PRKAB1: variants seen among roughly 807,000 people sequenced by gnomAD.
The protein encoded by PRKAB1 is 5'-AMP-activated protein kinase subunit beta-1.
In PRKAB1, 18 loss-of-function variants were observed where a neutral mutation model predicts 32.0. That is an observed-to-expected ratio of 0.56 (90% confidence interval 0.39 to 0.83). The LOEUF (loss-of-function observed/expected upper bound fraction) is 0.83, where lower values mean the gene tolerates loss of function less well. Among genes scored for constraint, PRKAB1 ranks in the 40% least tolerant of loss-of-function variants. The pLI, the probability that PRKAB1 is intolerant of heterozygous loss-of-function variation, is 0.00. For synonymous variants in PRKAB1, 141 were observed against 141.4 expected (o/e 1.00, Z 0.02); for missense variants, 263 against 352.6 (o/e 0.75, Z 2.03).
At chr12:119,676,844 T>G (rs1165273526) in intron 5 of PRKAB1, among the ~76,000 whole-genome samples, 174 bp downstream of exon 5, 2 of 152,224 alleles carry the variant, frequency 1.3e-5, no homozygotes, top group Non-Finnish European at 2.9e-5. Flanking sequence ...AGGTTCCCAG[T>G]GTGGACACCG....
At position 119,679,383 on chromosome 12, in the gene PRKAB1, G is replaced by A. The variant is rs1019685250; in HGVS notation, c.667-550G>A. The A allele has an allele frequency of 6.3e-6, 1 of 158,288 alleles. No homozygotes were observed. Among genetic ancestry groups the A allele is most frequent in the Non-Finnish European group, 1.4e-5 (1 of 71,676 alleles). 9.8% of individuals were successfully genotyped at this position (158,288 alleles called of 1,614,324 possible). A position where few individuals can be genotyped will look rare whatever the true frequency, so the allele number is the denominator to read the frequency against. ...TGAATTGCATTTATAACAGTTGGGG[G>A]TATACAATGAAAAAATAAATCCCGA... On this transcript the variant is annotated intron_variant, in intron 5 of 6. Coordinates refer to ENST00000229328, the MANE Select transcript of PRKAB1 (RefSeq NM_006253.5). This position sits in a 1 kb window ranked among gnomAD's most constrained non-coding sequence, Gnocchi z 4.1.
At chr12:119,677,762 T>TG (rs1491500119) in intron 5 of PRKAB1, 1 of 8,056 alleles carries the variant, frequency 1.2e-4, no homozygotes, top group Non-Finnish European at 3.3e-4. Context: ...GTGAGGTTTG[T>TG]TTTTTTTTTT....
chr12:119,680,447 T>C lies in PRKAB1; in HGVS notation c.*122T>C, dbSNP rs1593333823. On this transcript the variant is annotated 3_prime_UTR_variant, in exon 7 of 7. Transcript: ENST00000229328. ...TTCACACTCTTCAGAAGACATTTCA[T>C]ACCTGCCCTGGTCCTGCTTGAAGGT... 2 of 1,011,958 alleles carry C rather than the reference T, an allele frequency of 2.0e-6. No individual in the cohort carries two copies. Among genetic ancestry groups the C allele is most frequent in the East Asian group, 5.2e-5 (2 of 38,264 alleles). 62.7% of individuals were successfully genotyped at this position (1,011,958 alleles called of 1,614,324 possible). A position where few individuals can be genotyped will look rare whatever the true frequency, so the allele number is the denominator to read the frequency against.
chr12:119,674,132 C>G lies in PRKAB1; in HGVS notation c.417+75C>G. 1 of 1,407,650 alleles carries G rather than the reference C, an allele frequency of 7.1e-7. No individual in the cohort carries two copies. Among genetic ancestry groups the G allele is most frequent in the Non-Finnish European group, 9.9e-7 (1 of 1,007,370 alleles). 87.2% of individuals were successfully genotyped at this position (1,407,650 alleles called of 1,614,324 possible). A position where few individuals can be genotyped will look rare whatever the true frequency, so the allele number is the denominator to read the frequency against. ...AAATCACCTTCCCAAGAGATTGCCG[C>G]TAGGTCCCTTTGCCCAGCTAGTAAA... On this transcript the variant is annotated intron_variant, in intron 3 of 6. Coordinates refer to ENST00000229328, the MANE Select transcript of PRKAB1 (RefSeq NM_006253.5). This position sits in a 1 kb window ranked among gnomAD's most constrained non-coding sequence, Gnocchi z 4.3.
Position 119,668,222 on chromosome 12 carries a change from C to T in PRKAB1, c.-23C>T, listed in dbSNP as rs983592604. On this transcript the variant is annotated 5_prime_UTR_variant, in exon 1 of 7. Coordinates refer to ENST00000229328, the MANE Select transcript of PRKAB1 (RefSeq NM_006253.5). ...TGCAGTGAGGCGCCGTCCGCCTTCC[C>T]TGTGTCCCCGCAGACCCCCATCATG... The T allele has an allele frequency of 1.4e-5, 22 of 1,552,492 alleles. No individual in the cohort carries two copies. Among genetic ancestry groups the T allele is most frequent in the Non-Finnish European group, 1.5e-5 (17 of 1,156,094 alleles).
Position 119,679,006 on chromosome 12 carries a change from C to T in PRKAB1, c.667-927C>T, listed in dbSNP as rs1955446345. On this transcript the variant is annotated intron_variant, in intron 5 of 6. Coordinates refer to ENST00000229328, the MANE Select transcript of PRKAB1 (RefSeq NM_006253.5). The surrounding 1 kb of genome is among the most constrained non-coding windows in gnomAD (Gnocchi z 4.1). ...AAAAGTAGCTTTTAAGTGTTCTCACCACAAAAACATGGTAAGCATGTTCTG... is the reference window on the plus strand; with the variant it reads ...AAAAGTAGCTTTTAAGTGTTCTCACTACAAAAACATGGTAAGCATGTTCTG... 1 of 152,172 alleles carries T rather than the reference C, an allele frequency of 6.6e-6. No individual in the cohort carries two copies. Among genetic ancestry groups the T allele is most frequent in the Admixed American group, 6.5e-5 (1 of 15,276 alleles). 9.4% of individuals were successfully genotyped at this position (152,172 alleles called of 1,614,324 possible). A position where few individuals can be genotyped will look rare whatever the true frequency, so the allele number is the denominator to read the frequency against.
Position 119,681,551 on chromosome 12 carries a change from G to C in PRKAB1, c.*1226G>C, listed in dbSNP as rs1199186061. 6.6e-6 allele frequency: 1 copy of C among 152,106 alleles called. No individual in the cohort carries two copies. Among genetic ancestry groups the C allele is most frequent in the Admixed American group, 6.5e-5 (1 of 15,276 alleles). 9.4% of individuals were successfully genotyped at this position (152,106 alleles called of 1,614,324 possible). On this transcript the variant is annotated 3_prime_UTR_variant, in exon 7 of 7. Coordinates refer to ENST00000229328, the MANE Select transcript of PRKAB1 (RefSeq NM_006253.5). ...CCTGAGTTTGGGGGTACCCTTTTTT[G>C]TGACTTTTCAAAACAGTGAATTACT...
chr12:119,680,393 C>A lies in PRKAB1; in HGVS notation c.*68C>A. The A allele has an allele frequency of 6.9e-7, 1 of 1,442,224 alleles. No individual in the cohort carries two copies. 89.3% of individuals were successfully genotyped at this position (1,442,224 alleles called of 1,614,324 possible). ...AGGCTCCACACGTGCATGCTTTCCC[C>A]AAGAGGGAATGGACTGTACATTGCT... On this transcript the variant is annotated 3_prime_UTR_variant, in exon 7 of 7. Transcript: ENST00000229328.
rs575683175 is a variant in PRKAB1, at chr12:119,680,610, C to T, written c.*285C>T. 4.6e-5 allele frequency: 21 copies of T among 460,590 alleles called. No individual in the cohort carries two copies. Among genetic ancestry groups the T allele is most frequent in the Non-Finnish European group, 6.7e-5 (17 of 254,542 alleles). 28.5% of individuals were successfully genotyped at this position (460,590 alleles called of 1,614,324 possible). ...CAGAGGATCTGCAGCCCTGGCCCCG[C>T]GGTGCATGAGGCTGGGTGCAGTTCT... is the stretch of plus-strand genomic sequence containing the variant. On this transcript the variant is annotated 3_prime_UTR_variant, in exon 7 of 7. Transcript: ENST00000229328.
chr12:119,676,780 C>A, intron 5 of PRKAB1, 110 bp downstream of exon 5: 1 of 1,391,794 alleles, frequency 7.2e-7, no homozygotes, highest in East Asian at 2.4e-5. Context: ...CAGTGTCACC[C>A]CCTAGTGTGA....
At position 119,680,669 on chromosome 12, in the gene PRKAB1, A is replaced by C; in HGVS notation, c.*344A>C. The C allele has an allele frequency of 8.0e-6, 2 of 250,602 alleles. No individual in the cohort carries two copies. The highest frequency in any genetic ancestry group is 7.8e-6 in the Non-Finnish European group (1 of 128,518). 15.5% of individuals were successfully genotyped at this position (250,602 alleles called of 1,614,324 possible). A position where few individuals can be genotyped will look rare whatever the true frequency, so the allele number is the denominator to read the frequency against. On this transcript the variant is annotated 3_prime_UTR_variant, in exon 7 of 7. Coordinates refer to ENST00000229328, the MANE Select transcript of PRKAB1 (RefSeq NM_006253.5). ...ATTCTCGATTTTTCTTAAGCCAAAA[A>C]TGAATGCTAACTCCTTTGCCAGTAA...
At chr12:119,676,069 G>A (rs189031731) in intron 4 of PRKAB1, among the ~76,000 whole-genome samples, 6 of 152,320 alleles carry the variant, frequency 3.9e-5, no homozygotes, top group Admixed American at 3.3e-4. Flanking sequence ...CGTTTAGCCT[G>A]TTTTCTCCAC....
At chr12:119,678,993 T>C (rs1955446310) in intron 5 of PRKAB1, 1 of 152,250 alleles carries the variant, frequency 6.6e-6, no homozygotes, top group African/African-American at 2.4e-5. Context: ...AAGTAGCTTT[T>C]AAGTGTTCTC....
intron 2 of PRKAB1, 105 bp downstream of exon 2, chr12:119,672,569 G>A (rs1297946433): frequency 2.1e-5 from 27 of 1,257,110 alleles, no homozygotes; most frequent in Non-Finnish European, 2.7e-5. Flanking sequence ...TAAAATGGAT[G>A]CCTAGTGGAA....
chr12:119,680,234 AC>A lies in PRKAB1; in HGVS notation c.736-12del. The A allele has an allele frequency of 6.2e-7, 1 of 1,612,436 alleles. No homozygotes were observed. Among genetic ancestry groups the A allele is most frequent in the East Asian group, 2.2e-5 (1 of 44,858 alleles). ...CTTAGTCCAGCCTTTGATCATTTCC[AC>A]CTTGTTCCTTAGGATGGAGTGATGG... On this transcript the variant is annotated splice_polypyrimidine_tract_variant and intron_variant, in intron 6 of 6. Transcript: ENST00000229328.
rs576324919 is a variant in PRKAB1 at position 119,680,505 on chromosome 12, G to A, written c.*180G>A. 3 of 643,100 alleles carry A rather than the reference G, an allele frequency of 4.7e-6. No individual in the cohort carries two copies. The highest frequency in any genetic ancestry group is 1.9e-5 in the South Asian group (1 of 51,642). 39.8% of individuals were successfully genotyped at this position (643,100 alleles called of 1,614,324 possible). On this transcript the variant is annotated 3_prime_UTR_variant, in exon 7 of 7. Transcript: ENST00000229328. Reference sequence around the variant, plus strand: ...GGCAGAGCAGCTCCTGCAGCGCCTCGGTCTGTGACAGTCCTCCTAGCACCC... The same window carrying A: ...GGCAGAGCAGCTCCTGCAGCGCCTCAGTCTGTGACAGTCCTCCTAGCACCC...
chr12:119,677,514 T>G (rs1350511339), intron 5 of PRKAB1: 1 of 152,354 alleles, frequency 6.6e-6, no homozygotes. Context: ...CCCCTGCAGC[T>G]GGGTAGCCAT....
Position 119,674,444 on chromosome 12 carries a change from C to T in PRKAB1, c.522C>T (p.Ser174=), listed in dbSNP as rs1361879615. 6 of 1,610,716 alleles carry T rather than the reference C, an allele frequency of 3.7e-6. No individual in the cohort carries two copies. Among genetic ancestry groups the T allele is most frequent in the South Asian group, 1.1e-5 (1 of 91,016 alleles). ...DALMVDSQKC[S]DVSELSSSPP... Reference sequence around the variant, plus strand: ...TAATGGTGGATTCCCAAAAGTGCTCCGATGTGTCTGGTATGAACACAGTTA... The same window carrying T: ...TAATGGTGGATTCCCAAAAGTGCTCTGATGTGTCTGGTATGAACACAGTTA... The change falls in exon 4 of 7, where the codon TCC becomes TCT. Residue 174 remains serine (S), a synonymous_variant. Coordinates refer to ENST00000229328, the MANE Select transcript of PRKAB1 (RefSeq NM_006253.5). The surrounding 1 kb of genome is among the most constrained non-coding windows in gnomAD (Gnocchi z 4.3).
chr12:119,680,378 C>G lies in PRKAB1; in HGVS notation c.*53C>G. 6.6e-7 allele frequency: 1 copy of G among 1,511,510 alleles called. No individual in the cohort carries two copies. Among genetic ancestry groups the G allele is most frequent in the South Asian group, 1.1e-5 (1 of 88,268 alleles). 93.6% of individuals were successfully genotyped at this position (1,511,510 alleles called of 1,614,324 possible). On this transcript the variant is annotated 3_prime_UTR_variant, in exon 7 of 7. Coordinates refer to ENST00000229328, the MANE Select transcript of PRKAB1 (RefSeq NM_006253.5). ...AGACAGCACACCACCAGGCTCCACA[C>G]GTGCATGCTTTCCCCAAGAGGGAAT... is the stretch of plus-strand genomic sequence containing the variant.
Sources: allele counts gnomAD v4.1 joint callset (sites outside exome capture counted in the v4.1 genomes callset), GRCh38; gene constraint gnomAD v4.1.1; non-coding constraint Gnocchi (gnomAD v3.1); transcripts MANE v1.5; gene names NCBI Gene and HGNC (gene_info 2026-07-23, HGNC 2026-07-21).